The following C14orf39 variants were observed in gnomAD, a reference collection of about 807,000 sequenced individuals.
C14orf39 encodes the protein chromosome 14 open reading frame 39, also known as protein SIX6OS1.
A neutral mutation model predicts 85.6 loss-of-function variants in C14orf39; 66 were observed. The ratio of observed to expected loss-of-function variants is 0.77; its 90% CI spans 0.63 to 0.95. C14orf39 has a LOEUF of 0.95. C14orf39 is among the 40% of genes least tolerant of loss of function. C14orf39 has a pLI of 0.00. For missense variants in C14orf39, 735 were observed against 663.9 expected, an observed-to-expected ratio of 1.11 and a Z score of -1.18; for synonymous variants, 242 against 214.0, an observed-to-expected ratio of 1.13 and a Z score of -1.14.
chr14:60,471,874 G>T, intron 5 of C14orf39, 135 bp from the exon 6 acceptor site: 1 of 558,014 alleles, frequency 1.8e-6, no homozygotes. Context: ...AATATTGTCT[G>T]CCCTTTAGAC....
In C14orf39 at chr14:60,511,135, G is replaced by A. The variant is rs1037308746; in HGVS notation, c.-144+4260C>T. 6 of 1,612,774 alleles carry A rather than the reference G, an allele frequency of 3.7e-6. No homozygotes were observed. Among genetic ancestry groups the A allele is most frequent in the South Asian group, 2.2e-5 (2 of 91,072 alleles). ...GTTCCGGGCGGGCACTACGGGCGGAGGGCGACGGCACGCCAGAGGTGCTGG... is the reference window on the plus strand; with the variant it reads ...GTTCCGGGCGGGCACTACGGGCGGAAGGCGACGGCACGCCAGAGGTGCTGG... On this transcript the variant is annotated intron_variant, in intron 1 of 5. Coordinates refer to the C14orf39 transcript ENST00000556799.
chr14:60,495,275 G>T, intron 2 of C14orf39: 1 of 220,504 alleles, frequency 4.5e-6, no homozygotes, highest in South Asian at 7.9e-5. Context: ...TGCAATTTCT[G>T]GGTCTCTGAC....
Position 60,511,133 on chromosome 14 carries a change from G to A in C14orf39, c.-144+4262C>T, listed in dbSNP as rs146372482. 2 of 1,612,874 alleles carry A rather than the reference G, an allele frequency of 1.2e-6. No individual in the cohort carries two copies. Among genetic ancestry groups the A allele is most frequent in the Non-Finnish European group, 1.7e-6 (2 of 1,179,870 alleles). On this transcript the variant is annotated intron_variant, in intron 1 of 5. Transcript: ENST00000556799. Reference sequence around the variant, plus strand: ...GGGTTCCGGGCGGGCACTACGGGCGGAGGGCGACGGCACGCCAGAGGTGCT... The same window carrying A: ...GGGTTCCGGGCGGGCACTACGGGCGAAGGGCGACGGCACGCCAGAGGTGCT...
intron 14 of C14orf39, among the ~76,000 whole-genome samples, chr14:60,458,344 C>T (rs574343122): frequency 2.0e-5 from 3 of 151,986 alleles, no homozygotes; most frequent in Admixed American, 2.0e-4. Flanking sequence ...GCTTTTTTAG[C>T]TCCCACATAT....
chr14:60,466,570 C>A (rs1891799729), intron 10 of C14orf39, among the ~76,000 whole-genome samples: 1 of 151,898 alleles, frequency 6.6e-6, no homozygotes, highest in South Asian at 2.1e-4. Flanking sequence ...GTTATAGATA[C>A]TATTAGCATA....
At chr14:60,455,587 T>A (rs1169574376) in intron 15 of C14orf39, among the ~76,000 whole-genome samples, 1 of 152,052 alleles carries the variant, frequency 6.6e-6, no homozygotes, top group East Asian at 1.9e-4. Flanking sequence ...AAGCCAGCCA[T>A]TACAGTGATG....
chr14:60,438,575 T>C (rs1410558077), intron 17 of C14orf39, among the ~76,000 whole-genome samples: 1 of 152,138 alleles, frequency 6.6e-6, no homozygotes, highest in African/African-American at 2.4e-5. Flanking sequence ...CAAAGGTACA[T>C]TTTAAAATCC....
upstream of C14orf39, among the ~76,000 whole-genome samples, chr14:60,489,211 C>CA (rs1595492042): frequency 1.3e-5 from 2 of 152,326 alleles, no homozygotes; most frequent in East Asian, 3.9e-4. Flanking sequence ...TAATTATTCA[C>CA]AAAGTCTTGC....
chr14:60,449,194 G>T (rs1039675425), intron 16 of C14orf39, among the ~76,000 whole-genome samples: 5 of 151,948 alleles, frequency 3.3e-5, no homozygotes, highest in African/African-American at 1.2e-4. Context: ...TTTAAAAAAA[G>T]AAGTTTAGAT....
Position 60,440,421 on chromosome 14 carries a change from T to C in C14orf39, c.1561+1653A>G, listed in dbSNP as rs1890453425. On this transcript the variant is annotated intron_variant, in intron 17 of 17. Coordinates refer to ENST00000321731, the MANE Select transcript of C14orf39 (RefSeq NM_174978.3). ...CACAATCTTTGTTTCTCTCTCTCAA[T>C]CCTTATATCCAGTCCATAAGCAAAT... 3.9e-5 allele frequency among the ~76,000 whole-genome samples: 6 copies of C among 152,308 alleles called. No individual in the cohort carries two copies. The South Asian group carries it at 1.2e-3, about 32-fold the overall frequency.
intron 1 of C14orf39, among the ~76,000 whole-genome samples, chr14:60,501,680 T>A (rs904172960): frequency 6.6e-5 from 10 of 152,302 alleles, no homozygotes; most frequent in African/African-American, 2.4e-4. Flanking sequence ...TCTATTGACT[T>A]CTTTAGACTA....
At chr14:60,463,397 G>GT (rs1347913727) in intron 11 of C14orf39, among the ~76,000 whole-genome samples, 2 of 151,932 alleles carry the variant, frequency 1.3e-5, no homozygotes, top group Non-Finnish European at 2.9e-5. Context: ...TATCATATAT[G>GT]TTTTTTATTT....
At chr14:60,510,020 G>A (rs1445475917) in intron 1 of C14orf39, 1 of 1,503,452 alleles carries the variant, frequency 6.7e-7, no homozygotes, top group East Asian at 2.4e-5. Flanking sequence ...GAGGAGGCGG[G>A]TGGAGGCACC....
intron 16 of C14orf39, among the ~76,000 whole-genome samples, chr14:60,450,949 C>G (rs1027106315): frequency 3.3e-5 from 5 of 152,210 alleles, no homozygotes; most frequent in Admixed American, 1.3e-4. Flanking sequence ...GGGCTTGGAG[C>G]CCAAGTCCCT....
At chr14:60,468,289 A>AGT (rs71111702) in intron 9 of C14orf39, among the ~76,000 whole-genome samples, 156 bp downstream of exon 9, 24 of 148,030 alleles carry the variant, frequency 1.6e-4, no homozygotes, top group Non-Finnish European at 9.1e-5. Flanking sequence ...ATAATATTTA[A>AGT]TAATATTTTT....
At chr14:60,451,836 T>C (rs900370503) in intron 16 of C14orf39, among the ~76,000 whole-genome samples, 1 of 151,696 alleles carries the variant, frequency 6.6e-6, no homozygotes, top group African/African-American at 2.4e-5. Flanking sequence ...TAAAGTATAA[T>C]AAAAATAGAG....
intron 15 of C14orf39, among the ~76,000 whole-genome samples, chr14:60,456,010 TTGA>T (rs911099063): frequency 2.6e-5 from 4 of 152,086 alleles, no homozygotes; most frequent in African/African-American, 9.7e-5. Flanking sequence ...GTTCTCAGGT[TTGA>T]TGATGAGTTC....
At chr14:60,511,393 GT>G in intron 1 of C14orf39, 2 of 1,037,936 alleles carry the variant, frequency 1.9e-6, no homozygotes, top group Non-Finnish European at 2.9e-6. Flanking sequence ...TCGGGTTGCC[GT>G]TTCCCGCCCC....
chr14:60,478,796 T>C (rs1892511952), intron 4 of C14orf39, among the ~76,000 whole-genome samples: 1 of 152,088 alleles, frequency 6.6e-6, no homozygotes, highest in Non-Finnish European at 1.5e-5. Context: ...GAATAAGGGC[T>C]AAAGAGAGGT....
Sources: gnomAD v4.1 joint callset for allele counts (sites outside exome capture counted in the v4.1 genomes callset) on GRCh38, gnomAD v4.1.1 for gene constraint, MANE v1.5 for transcripts, NCBI Gene and HGNC (gene_info 2026-07-23, HGNC 2026-07-21) for gene names.